Variants in FAT3 observed in about 807,000 individuals in gnomAD.
FAT3 encodes FAT atypical cadherin 3, also known as protocadherin Fat 3.
Under a neutral mutation model 310.2 loss-of-function variants are expected in FAT3, and 95 were observed. The observed-to-expected ratio is 0.31, with a 90% confidence interval of 0.26 to 0.36. FAT3 has a LOEUF of 0.36. Ranked by LOEUF, FAT3 falls within the 10% of genes least tolerant of loss-of-function variation. The probability of loss-of-function intolerance (pLI) is 1.00; values close to 1 mark genes in which losing one functional copy is unlikely to be tolerated. For missense variants in FAT3, 5,408 were observed against 5,715.6 expected (o/e 0.95, Z 1.74); for synonymous variants, 2,314 against 2,192.9 (o/e 1.06, Z -1.54).
Position 92,355,141 on chromosome 11 carries a change from T to A in FAT3, c.3029T>A (p.Val1010Glu). 2 of 1,613,790 alleles carry A rather than the reference T, an allele frequency of 1.2e-6. No individual in the cohort carries two copies. The highest frequency in any genetic ancestry group is 1.7e-6 in the Non-Finnish European group (2 of 1,179,864). The change falls in exon 2 of 28, where the codon GTG (valine) becomes GAG (glutamate). Residue 1010 changes from valine (V) to glutamate (E), a missense_variant. This residue lies in a region of FAT3 where 4,588 missense variants were observed against 4,809.8 expected (regional missense o/e 0.95). Transcript: ENST00000525166. The part of the protein sequence containing the change: ...YEKQQFYNLT[V>E]RAKDKGRPVS... ...AAACAGCAGTTCTATAACCTTACTG[T>A]GCGGGCCAAAGACAAAGGGCGGCCT...
At chr11:92,562,902 C>T (rs375445883) in intron 3 of FAT3, among the ~76,000 whole-genome samples, 25 of 152,258 alleles carry the variant, frequency 1.6e-4, no homozygotes, top group East Asian at 3.9e-4. Flanking sequence ...CTAATTAAAA[C>T]GCTAATCTCT....
At position 92,867,184 on chromosome 11, in the gene FAT3, C is replaced by A. The variant is rs1949271276; in HGVS notation, c.12102C>A (p.Gly4034=). The change falls in exon 22 of 28, where the codon GGC becomes GGA. Residue 4034 remains glycine, a synonymous_variant. Coordinates refer to ENST00000525166, the MANE Select transcript of FAT3 (RefSeq NM_001367949.2). ...ACKRSPCQHG[G]SCTGLPSGGY... is the part of the protein sequence containing the mutation. ...AGCGCAGCCCGTGCCAGCACGGGGG[C>A]AGCTGCACTGGCCTGCCATCGGGGG... 1 of 1,585,676 alleles carries A rather than the reference C, an allele frequency of 6.3e-7. No individual in the cohort carries two copies. The highest frequency in any genetic ancestry group is 1.8e-5 in the Admixed American group (1 of 56,772).
At chr11:92,791,145 C>A (rs1312449765) in intron 8 of FAT3, among the ~76,000 whole-genome samples, 1 of 152,176 alleles carries the variant, frequency 6.6e-6, no homozygotes, top group Non-Finnish European at 1.5e-5. Flanking sequence ...CCAGCTAAGA[C>A]TCCAGGAAAC....
chr11:92,780,016 C>A (rs1397761450), intron 7 of FAT3, among the ~76,000 whole-genome samples: 1 of 152,144 alleles, frequency 6.6e-6, no homozygotes, highest in East Asian at 1.9e-4. Context: ...GTCAAACAAC[C>A]TGAATGATTT....
At chr11:92,845,371 CAGGCCAG>C (rs745971884) in intron 19 of FAT3, among the ~76,000 whole-genome samples, 91 of 152,160 alleles carry the variant, frequency 6.0e-4, no homozygotes, top group Non-Finnish European at 1.1e-3. Context: ...TAGAGGAGGC[CAGGCCAG>C]AGGCAGGGAA....
intron 2 of FAT3, among the ~76,000 whole-genome samples, chr11:92,394,020 C>A (rs527800492): frequency 1.3e-5 from 2 of 152,282 alleles, no homozygotes; most frequent in Admixed American, 1.3e-4. Flanking sequence ...AGGGTGGGGA[C>A]TGCATCTCCT....
In FAT3 at chr11:92,520,130, G is replaced by A. The variant is rs111425806; in HGVS notation, c.3293-4504G>A. On this transcript the variant is annotated intron_variant, in intron 2 of 27. Coordinates refer to ENST00000525166, the MANE Select transcript of FAT3 (RefSeq NM_001367949.2). ...GTGGTTAAAAAAATAATGCTGTACC[G>A]ACACAATGGAATATTACTAAGAAAT... Among the ~76,000 whole-genome samples the A allele has an allele frequency of 4.3e-3, 656 of 152,070 alleles. 4 individuals carry two copies. Among genetic ancestry groups the A allele is most frequent in the African/African-American group, 0.015 (615 of 41,484 alleles).
chr11:92,263,631 G>C (rs547766521), intron 1 of FAT3, among the ~76,000 whole-genome samples: 43 of 146,528 alleles, frequency 2.9e-4, no homozygotes, highest in Admixed American at 1.3e-3. Flanking sequence ...GTGTGTGTGT[G>C]TGTGTGTATA....
At chr11:92,308,178 G>C (rs570978960) in intron 1 of FAT3, among the ~76,000 whole-genome samples, 2 of 152,120 alleles carry the variant, frequency 1.3e-5, no homozygotes, top group Non-Finnish European at 2.9e-5. Flanking sequence ...ACATGAATGC[G>C]TGTGCTTTTT....
At chr11:92,440,138 G>A (rs990720758) in intron 2 of FAT3, among the ~76,000 whole-genome samples, 1 of 152,026 alleles carries the variant, frequency 6.6e-6, no homozygotes, top group African/African-American at 2.4e-5. Flanking sequence ...CGAAGAGTAG[G>A]AGTATTGGAG....
Position 92,799,957 on chromosome 11 carries a change from A to T in FAT3, c.6944A>T (p.Asp2315Val). ...PVLQVVSIDA[D>V]SENNKMVHYQ... The stretch of plus-strand genomic sequence containing the variant: ...TTACAAGTTGTCTCTATTGATGCAG[A>T]CTCAGAAAACAATAAAATGGTACAT... Residue 2315 changes from aspartate (D) to valine (V), a missense_variant, in exon 10 of 28, where the codon GAC (aspartate) becomes GTC (valine). Physicochemically the swap from Asp to Val is radical, Grantham distance 152. Coordinates refer to ENST00000525166, the MANE Select transcript of FAT3 (RefSeq NM_001367949.2). 1 of 1,613,016 alleles carries T rather than the reference A, an allele frequency of 6.2e-7. No homozygotes were observed. Among genetic ancestry groups the T allele is most frequent in the South Asian group, 1.1e-5 (1 of 90,914 alleles).
At chr11:92,389,622 T>A (rs1304850119) in intron 2 of FAT3, among the ~76,000 whole-genome samples, 1 of 152,148 alleles carries the variant, frequency 6.6e-6, no homozygotes, top group African/African-American at 2.4e-5. Flanking sequence ...TAACTACCAT[T>A]TATTGTGTTG....
chr11:92,522,731 G>C (rs1442161926), intron 2 of FAT3, among the ~76,000 whole-genome samples: 1 of 152,078 alleles, frequency 6.6e-6, no homozygotes, highest in Non-Finnish European at 1.5e-5. Flanking sequence ...TGCACAAACT[G>C]TCTTTGTGTC....
intron 2 of FAT3, among the ~76,000 whole-genome samples, chr11:92,384,248 C>G (rs1445387810): frequency 6.6e-6 from 1 of 152,152 alleles, no homozygotes. Context: ...TTCATACCAT[C>G]TCATTTTGAG....
intron 1 of FAT3, among the ~76,000 whole-genome samples, chr11:92,339,956 C>CA (rs761596417): frequency 3.3e-5 from 5 of 151,514 alleles, no homozygotes; most frequent in Non-Finnish European, 7.4e-5. Flanking sequence ...ACTAAAAATA[C>CA]AAAAAATTAG....
At chr11:92,487,689 C>T (rs1408579973) in intron 2 of FAT3, among the ~76,000 whole-genome samples, 1 of 152,182 alleles carries the variant, frequency 6.6e-6, no homozygotes, top group Non-Finnish European at 1.5e-5. Context: ...GAGACTTGAA[C>T]CTAGATCTTA....
intron 19 of FAT3, among the ~76,000 whole-genome samples, chr11:92,851,799 T>G (rs901371751): frequency 6.6e-6 from 1 of 152,160 alleles, no homozygotes; most frequent in East Asian, 1.9e-4. Flanking sequence ...AAATCTGCAT[T>G]ACTTCATGAT....
chr11:92,781,064 TTTTC>T (rs1946737868), intron 7 of FAT3, among the ~76,000 whole-genome samples: 1 of 143,552 alleles, frequency 7.0e-6, no homozygotes, highest in Non-Finnish European at 1.5e-5. Flanking sequence ...CTTTTTTTTC[TTTTC>T]TTTATTCTTT....
Position 92,652,701 on chromosome 11 carries a change from C to A in FAT3, c.3608-44683C>A, listed in dbSNP as rs557030809. ...GTCTAAAGACACCGGGGCTGGGAAA[C>A]GATAGCTGTTCTTTGGTATGTGTAT... is the stretch of plus-strand genomic sequence containing the variant. On this transcript the variant is annotated intron_variant, in intron 3 of 27. Transcript: ENST00000525166. Among the ~76,000 whole-genome samples, 35 of 152,308 alleles carry A rather than the reference C, an allele frequency of 2.3e-4. 1 individual carries two copies. The highest frequency in any genetic ancestry group is 1.7e-3 in the Admixed American group (26 of 15,298).
Sources: allele counts gnomAD v4.1 joint callset (sites outside exome capture counted in the v4.1 genomes callset), GRCh38; gene constraint gnomAD v4.1.1; regional missense constraint gnomAD v4.1.1; transcripts MANE v1.5; gene names NCBI Gene and HGNC (gene_info 2026-07-23, HGNC 2026-07-21).